The following JAZF1 variants were observed in gnomAD, a reference collection of about 807,000 sequenced individuals.
JAZF1 encodes JAZF zinc finger 1, also known as juxtaposed with another zinc finger protein 1.
In JAZF1, 8 loss-of-function variants were observed where a neutral mutation model predicts 26.4. The observed-to-expected ratio is 0.30, with a 90% CI of 0.18 to 0.55. The LOEUF (loss-of-function observed/expected upper bound fraction) is 0.55, where lower values mean the gene tolerates loss of function less well. JAZF1 is among the 20% of genes least tolerant of loss of function. The pLI is 0.94. For missense variants in JAZF1, 199 were observed against 322.0 expected (o/e 0.62, Z 2.92); for synonymous variants, 126 against 122.3 (o/e 1.03, Z -0.20).
chr7:27,988,803 T>C (rs1785818934), intron 2 of JAZF1, among the ~76,000 whole-genome samples: 1 of 151,238 alleles, frequency 6.6e-6, no homozygotes, highest in Non-Finnish European at 1.5e-5. Flanking sequence ...TAAAAATACA[T>C]GGAACACGCA....
chr7:27,936,204 T>C (rs1441045801), intron 2 of JAZF1, among the ~76,000 whole-genome samples: 1 of 152,210 alleles, frequency 6.6e-6, no homozygotes. Flanking sequence ...AAAAGAGAGA[T>C]GACACAAAGA....
At chr7:27,953,211 G>A (rs1186877032) in intron 2 of JAZF1, among the ~76,000 whole-genome samples, 1 of 152,094 alleles carries the variant, frequency 6.6e-6, no homozygotes, top group Non-Finnish European at 1.5e-5. Flanking sequence ...CCAGCCAATG[G>A]GTAATTTTTT....
At chr7:28,055,808 TC>T (rs1476470160) in intron 1 of JAZF1, among the ~76,000 whole-genome samples, 7 of 152,162 alleles carry the variant, frequency 4.6e-5, no homozygotes, top group African/African-American at 1.7e-4. Context: ...TTAATACAGA[TC>T]ATTTCTATTC....
At chr7:28,091,507 A>C (rs1784295857) in intron 1 of JAZF1, among the ~76,000 whole-genome samples, 2 of 151,562 alleles carry the variant, frequency 1.3e-5, no homozygotes, top group Non-Finnish European at 2.9e-5. Flanking sequence ...AAAAGAGAAT[A>C]CAGTTTTACT....
chr7:28,106,018 G>A (rs1383352934), intron 1 of JAZF1, among the ~76,000 whole-genome samples: 4 of 152,170 alleles, frequency 2.6e-5, no homozygotes, highest in African/African-American at 9.7e-5. Context: ...GCAAGCTCAC[G>A]ATCGGTTCTG....
At chr7:28,026,452 C>T (rs1281473712) in intron 1 of JAZF1, among the ~76,000 whole-genome samples, 1 of 152,104 alleles carries the variant, frequency 6.6e-6, no homozygotes, top group East Asian at 1.9e-4. Flanking sequence ...CACTTGTGGC[C>T]CAGTAATAGC....
At chr7:28,065,228 G>A (rs1036621048) in intron 1 of JAZF1, among the ~76,000 whole-genome samples, 1 of 152,162 alleles carries the variant, frequency 6.6e-6, no homozygotes, top group African/African-American at 2.4e-5. Flanking sequence ...ACAGAAGGGA[G>A]CCAGACTTGG....
chr7:27,914,802 A>C (rs977365908), intron 2 of JAZF1: 1 of 471,158 alleles, frequency 2.1e-6, no homozygotes, highest in Non-Finnish European at 4.4e-6. Flanking sequence ...TCTGATGCCC[A>C]ATGTCCCTAC....
chr7:28,159,121 G>C (rs1783238106), intron 1 of JAZF1, among the ~76,000 whole-genome samples: 1 of 151,890 alleles, frequency 6.6e-6, no homozygotes, highest in African/African-American at 2.4e-5. Context: ...GACATAACGG[G>C]GTAATGCAAT....
intron 2 of JAZF1, among the ~76,000 whole-genome samples, chr7:27,948,791 G>A (rs1784960043): frequency 6.6e-6 from 1 of 152,194 alleles, no homozygotes; most frequent in African/African-American, 2.4e-5. Flanking sequence ...GCTCCTGGAT[G>A]TAAAATACCA....
At chr7:27,859,957 A>G (rs1490063636) in intron 3 of JAZF1, among the ~76,000 whole-genome samples, 1 of 152,236 alleles carries the variant, frequency 6.6e-6, no homozygotes, top group Non-Finnish European at 1.5e-5. Context: ...GATGATGTGC[A>G]AAAGTGCTCA....
At chr7:28,142,636 C>T (rs1387588624) in intron 1 of JAZF1, among the ~76,000 whole-genome samples, 2 of 152,182 alleles carry the variant, frequency 1.3e-5, no homozygotes, top group African/African-American at 2.4e-5. Flanking sequence ...GTATAGGAGG[C>T]CTTGCTGTTG....
intron 1 of JAZF1, among the ~76,000 whole-genome samples, chr7:28,148,883 G>A (rs928557658): frequency 1.3e-5 from 2 of 152,206 alleles, no homozygotes; most frequent in African/African-American, 4.8e-5. Flanking sequence ...GGGTCTGGAG[G>A]AGGAAAACCT....
At position 27,910,413 on chromosome 7, in the gene JAZF1, G is replaced by T. The variant is rs1784342662; in HGVS notation, c.189-14997C>A. 1.3e-5 allele frequency among the ~76,000 whole-genome samples: 2 copies of T among 152,298 alleles called. 1 individual carries two copies. Among genetic ancestry groups the T allele is most frequent in the South Asian group, 4.1e-4 (2 of 4,822 alleles). On this transcript the variant is annotated intron_variant, in intron 2 of 4. Coordinates refer to ENST00000283928, the MANE Select transcript of JAZF1 (RefSeq NM_175061.4). ...TTTTCAAGAATGTCACTACTTAACT[G>T]CTAATGAAGTATTTCTTGGAGGGGC...
At chr7:28,072,949 G>T (rs1783999217) in intron 1 of JAZF1, among the ~76,000 whole-genome samples, 1 of 152,138 alleles carries the variant, frequency 6.6e-6, no homozygotes, top group East Asian at 1.9e-4. Context: ...TTTAAGAAAA[G>T]TACAAAGACA....
chr7:28,022,043 A>T (rs1364224008), intron 1 of JAZF1, among the ~76,000 whole-genome samples: 14 of 152,266 alleles, frequency 9.2e-5, no homozygotes, highest in Admixed American at 9.2e-4. Context: ...GCTCAATAAA[A>T]GATAACTGCT....
At chr7:28,010,515 A>C (rs1002412880) in intron 1 of JAZF1, among the ~76,000 whole-genome samples, 6 of 152,136 alleles carry the variant, frequency 3.9e-5, no homozygotes, top group Admixed American at 3.9e-4. Flanking sequence ...TGCCTTTGTA[A>C]CACATGCTAC....
At chr7:28,062,625 C>G (rs1783818754) in intron 1 of JAZF1, among the ~76,000 whole-genome samples, 1 of 152,092 alleles carries the variant, frequency 6.6e-6, no homozygotes, top group Non-Finnish European at 1.5e-5. Context: ...CCAAAGCCAG[C>G]AAACTTCTGT....
intron 3 of JAZF1, among the ~76,000 whole-genome samples, chr7:27,877,397 G>A (rs2128338979): frequency 6.6e-6 from 1 of 152,288 alleles, no homozygotes; most frequent in East Asian, 1.9e-4. Flanking sequence ...TCTGAACGGG[G>A]TATGGGGTAA....
Sources: gnomAD v4.1 joint callset for allele counts (sites outside exome capture counted in the v4.1 genomes callset) on GRCh38, gnomAD v4.1.1 for gene constraint, MANE v1.5 for transcripts, NCBI Gene and HGNC (gene_info 2026-07-23, HGNC 2026-07-21) for gene names.